CEP162: variants seen among roughly 807,000 people sequenced by gnomAD.
CEP162 encodes the protein centrosomal protein of 162 kDa.
CEP162 carries 141 observed loss-of-function variants against 169.2 expected under a neutral mutation model. That is an observed-to-expected ratio of 0.83 (90% confidence interval 0.73 to 0.96). The LOEUF is 0.96. Among genes scored for constraint, CEP162 ranks in the 40% least tolerant of loss-of-function variants. CEP162 has a pLI of 0.00. For missense variants in CEP162, 1,600 were observed against 1,587.2 expected (o/e 1.01, Z -0.14); for synonymous variants, 540 against 526.4 (o/e 1.03, Z -0.35).
intron 9 of CEP162, among the ~76,000 whole-genome samples, chr6:84,200,469 A>G (rs187195771): frequency 6.6e-6 from 1 of 152,206 alleles, no homozygotes; most frequent in Admixed American, 6.5e-5. Context: ...TTTCTCCTAC[A>G]CATGGCAGAT....
chr6:84,217,692 T>A (rs925784086), intron 3 of CEP162: 2 of 152,276 alleles, frequency 1.3e-5, no homozygotes, highest in Non-Finnish European at 2.9e-5. Context: ...CAGGCAAGAT[T>A]TTTTGGTGTA....
intron 6 of CEP162, among the ~76,000 whole-genome samples, chr6:84,211,819 G>C (rs2099549595): frequency 6.7e-6 from 1 of 149,376 alleles, no homozygotes; most frequent in Non-Finnish European, 1.5e-5. Context: ...TAAATCCATA[G>C]ATCAATGATG....
At chr6:84,147,259 A>C (rs531527049) in intron 24 of CEP162, among the ~76,000 whole-genome samples, 35 of 145,870 alleles carry the variant, frequency 2.4e-4, no homozygotes, top group Non-Finnish European at 4.1e-4. Flanking sequence ...GCATGTTCTC[A>C]CTCATGTATG....
At chr6:84,221,968 C>T (rs1259605108) in intron 2 of CEP162, among the ~76,000 whole-genome samples, 1 of 151,888 alleles carries the variant, frequency 6.6e-6, no homozygotes, top group Non-Finnish European at 1.5e-5. Context: ...TCTGATTATA[C>T]ACCTGCTCAG....
chr6:84,216,149 T>C (rs1376603101), intron 3 of CEP162, among the ~76,000 whole-genome samples: 1 of 152,156 alleles, frequency 6.6e-6, no homozygotes, highest in Non-Finnish European at 1.5e-5. Flanking sequence ...AGTTGCACCA[T>C]GAGACAAAAT....
intron 2 of CEP162, 54 bp downstream of exon 2, chr6:84,226,283 G>T: frequency 8.7e-7 from 1 of 1,149,760 alleles, no homozygotes; most frequent in Non-Finnish European, 1.3e-6. Flanking sequence ...AGAATTGAAG[G>T]ATGAGTCTTT....
intron 25 of CEP162, among the ~76,000 whole-genome samples, chr6:84,137,450 C>G (rs1376992877): frequency 6.6e-6 from 1 of 152,004 alleles, no homozygotes; most frequent in Non-Finnish European, 1.5e-5. Flanking sequence ...TTTGATAATT[C>G]TTATGAGTGG....
At chr6:84,209,765 T>C (rs1209757829) in intron 6 of CEP162, among the ~76,000 whole-genome samples, 1 of 152,196 alleles carries the variant, frequency 6.6e-6, no homozygotes, top group Non-Finnish European at 1.5e-5. Context: ...CTAATAAGCA[T>C]TCATCAAAAC....
intron 25 of CEP162, among the ~76,000 whole-genome samples, chr6:84,143,445 T>C (rs1334050918): frequency 6.6e-6 from 1 of 151,990 alleles, no homozygotes; most frequent in Non-Finnish European, 1.5e-5. Flanking sequence ...CAACTTTGTA[T>C]GCAAAATATA....
At chr6:84,169,495 A>C (rs1303440539) in intron 17 of CEP162, 62 bp from the exon 18 acceptor site, 1 of 935,744 alleles carries the variant, frequency 1.1e-6, no homozygotes, top group Non-Finnish European at 1.6e-6. Flanking sequence ...TTTCAGTAGA[A>C]AATATTCAAT....
chr6:84,163,106 T>C (rs1317443659), intron 19 of CEP162, 38 bp downstream of exon 19: 6 of 1,598,936 alleles, frequency 3.8e-6, no homozygotes, highest in Non-Finnish European at 4.3e-6. Flanking sequence ...AGAACAGTTA[T>C]GATTATAAAG....
intron 21 of CEP162, among the ~76,000 whole-genome samples, chr6:84,160,192 C>A (rs1287204640): frequency 6.6e-6 from 1 of 151,870 alleles, no homozygotes; most frequent in Non-Finnish European, 1.5e-5. Flanking sequence ...AATATAAATG[C>A]TATATTACAG....
rs145270327 is a variant in CEP162, at chr6:84,131,161, A to G, written c.3871-4649T>C. 9.3e-3 allele frequency among the ~76,000 whole-genome samples: 1,419 copies of G among 152,186 alleles called. 17 individuals carry two copies. Among genetic ancestry groups the G allele is most frequent in the African/African-American group, 0.032 (1,336 of 41,518 alleles). ...TGGTTCAGTTTCCATGTAGTTGTGC[A>G]GTTTTGAGTGAGTTTTTTAATCCTG... On this transcript the variant is annotated intron_variant, in intron 25 of 26. Coordinates refer to ENST00000403245, the MANE Select transcript of CEP162 (RefSeq NM_014895.4).
At chr6:84,207,802 A>G (rs1177074136) in intron 6 of CEP162, among the ~76,000 whole-genome samples, 1 of 152,148 alleles carries the variant, frequency 6.6e-6, no homozygotes, top group Non-Finnish European at 1.5e-5. Context: ...TGGTACTTTC[A>G]AATAGTTCTC....
At chr6:84,196,981 C>T (rs557736974) in intron 9 of CEP162, among the ~76,000 whole-genome samples, 6 of 152,246 alleles carry the variant, frequency 3.9e-5, no homozygotes, top group Non-Finnish European at 7.4e-5. Flanking sequence ...GTCTTGCTTG[C>T]AGCATGAATG....
chr6:84,155,624 A>G (rs1562021718), intron 21 of CEP162, 114 bp from the exon 22 acceptor site: 10 of 683,328 alleles, frequency 1.5e-5, no homozygotes. Context: ...CTATATACCA[A>G]TAACAATCTT....
intron 13 of CEP162, among the ~76,000 whole-genome samples, chr6:84,184,569 T>C (rs1382007902): frequency 1.3e-5 from 2 of 152,112 alleles, no homozygotes; most frequent in Admixed American, 6.6e-5. Context: ...ATATACTTTG[T>C]TGACTTGCAG....
chr6:84,216,082 G>C, intron 3 of CEP162, 160 bp from the exon 4 acceptor site: 1 of 848,186 alleles, frequency 1.2e-6, no homozygotes, highest in Admixed American at 3.6e-5. Flanking sequence ...ACTCACAAAA[G>C]AAAGATTATA....
chr6:84,172,906 T>C (rs1175134950), intron 16 of CEP162, among the ~76,000 whole-genome samples: 2 of 152,156 alleles, frequency 1.3e-5, no homozygotes, highest in African/African-American at 4.8e-5. Flanking sequence ...AGTCTTATGT[T>C]GATTTGAAGA....
Sources: allele counts gnomAD v4.1 joint callset (sites outside exome capture counted in the v4.1 genomes callset), GRCh38; gene constraint gnomAD v4.1.1; transcripts MANE v1.5; gene names NCBI Gene and HGNC (gene_info 2026-07-23, HGNC 2026-07-21).